The following GRIN2A variants were observed in gnomAD, a reference collection of about 807,000 sequenced individuals.
The protein encoded by GRIN2A is glutamate receptor ionotropic, NMDA 2A.
A neutral mutation model predicts 113.4 loss-of-function variants in GRIN2A; 22 were observed. That is an observed-to-expected ratio of 0.19 (90% CI 0.14 to 0.28). The LOEUF (loss-of-function observed/expected upper bound fraction) is 0.28. Ranked by LOEUF, GRIN2A falls within the 10% of genes least tolerant of loss-of-function variation. The probability of loss-of-function intolerance (pLI) is 1.00; values close to 1 mark genes in which losing one functional copy is unlikely to be tolerated. For synonymous variants in GRIN2A, 827 were observed against 738.4 expected (o/e 1.12, Z -1.94); for missense variants, 1,502 against 1,887.0 (o/e 0.80, Z 3.78).
At chr16:9,770,562 G>A (rs76866328) in intron 11 of GRIN2A, among the ~76,000 whole-genome samples, 5,181 of 152,152 alleles carry the variant, frequency 0.034, 192 homozygotes, top group African/African-American at 0.093. Flanking sequence ...TCTAATTGTC[G>A]TTACTTTCTA....
chr16:9,963,803 A>T (rs2045493705), intron 2 of GRIN2A, among the ~76,000 whole-genome samples: 1 of 152,230 alleles, frequency 6.6e-6, no homozygotes, highest in Non-Finnish European at 1.5e-5. Context: ...ACTCTGTGCC[A>T]GGTACTATTC....
intron 3 of GRIN2A, chr16:9,937,693 C>A (rs1309160251): frequency 2.0e-6 from 1 of 495,874 alleles, no homozygotes; most frequent in Non-Finnish European, 3.7e-6. Context: ...GACAGACAGA[C>A]AGATCGATCA....
At chr16:9,931,185 A>G (rs2044585138) in intron 3 of GRIN2A, among the ~76,000 whole-genome samples, 1 of 151,976 alleles carries the variant, frequency 6.6e-6, no homozygotes, top group Non-Finnish European at 1.5e-5. Flanking sequence ...CCTAACTAAA[A>G]TGGGAACCAC....
intron 2 of GRIN2A, among the ~76,000 whole-genome samples, chr16:9,984,524 T>C (rs533527706): frequency 2.0e-3 from 312 of 152,332 alleles, no homozygotes; most frequent in African/African-American, 7.1e-3. Context: ...GAGTGTATTT[T>C]GTATATGGTG....
intron 2 of GRIN2A, among the ~76,000 whole-genome samples, chr16:10,122,825 A>G (rs4782265): frequency 0.77 from 116,792 of 152,004 alleles, 45,852 homozygotes; most frequent in East Asian, 1. Context: ...ATCAATCATC[A>G]TCTATGCAAC....
intron 4 of GRIN2A, among the ~76,000 whole-genome samples, chr16:9,881,160 G>A (rs1462199107): frequency 6.6e-6 from 1 of 152,148 alleles, no homozygotes; most frequent in East Asian, 1.9e-4. Context: ...AAAAATCTAG[G>A]TAACAGGCAC....
intron 2 of GRIN2A, among the ~76,000 whole-genome samples, chr16:10,132,327 C>A (rs985753474): frequency 2.8e-5 from 2 of 71,728 alleles, no homozygotes; most frequent in Non-Finnish European, 5.8e-5. Context: ...ATGAGCAGAA[C>A]AAGACACCGT....
At chr16:10,127,942 G>A (rs888907651) in intron 2 of GRIN2A, among the ~76,000 whole-genome samples, 2 of 152,084 alleles carry the variant, frequency 1.3e-5, no homozygotes, top group African/African-American at 4.8e-5. Flanking sequence ...GAGTCTAACA[G>A]TGTGATTTAG....
At chr16:10,154,156 C>A (rs942296591) in intron 2 of GRIN2A, among the ~76,000 whole-genome samples, 4 of 152,200 alleles carry the variant, frequency 2.6e-5, no homozygotes, top group African/African-American at 4.8e-5. Context: ...GTATGACTCA[C>A]CACATCCCCC....
At chr16:9,848,235 A>G (rs749090823) in intron 5 of GRIN2A, among the ~76,000 whole-genome samples, 14 of 150,776 alleles carry the variant, frequency 9.3e-5, no homozygotes, top group Non-Finnish European at 1.8e-4. Context: ...TTTATTTTTG[A>G]GTCAGAGTCT....
chr16:9,853,725 AT>A (rs562339012), intron 4 of GRIN2A, among the ~76,000 whole-genome samples: 1 of 151,402 alleles, frequency 6.6e-6, no homozygotes. Context: ...GCCTACTCCA[AT>A]TTTTTTTTAA....
chr16:10,061,699 G>T (rs1234337387), intron 2 of GRIN2A, among the ~76,000 whole-genome samples: 2 of 152,182 alleles, frequency 1.3e-5, no homozygotes, highest in Non-Finnish European at 2.9e-5. Flanking sequence ...GTTAGTAGTG[G>T]CAAAGGCAAC....
At position 10,130,873 on chromosome 16, in the gene GRIN2A, C is replaced by T. The variant is rs528169531; in HGVS notation, c.414+49125G>A. Among the ~76,000 whole-genome samples the T allele has an allele frequency of 3.3e-5, 5 of 152,270 alleles. No individual in the cohort carries two copies. In the South Asian group the frequency reaches 1.0e-3, roughly 32 times the overall value. On this transcript the variant is annotated intron_variant, in intron 2 of 12. Transcript: ENST00000330684. ...GTGCTAACATATAATCCATAGCTGC[C>T]AGGGAGCTGGAACTCAGAGCCAAAC...
chr16:10,012,709 C>T (rs543859129), intron 2 of GRIN2A, among the ~76,000 whole-genome samples: 1 of 152,174 alleles, frequency 6.6e-6, no homozygotes, highest in African/African-American at 2.4e-5. Flanking sequence ...TTGAAGATGC[C>T]CTGGTGCTGC....
At chr16:10,162,061 G>A (rs1596566557) in intron 2 of GRIN2A, among the ~76,000 whole-genome samples, 1 of 152,164 alleles carries the variant, frequency 6.6e-6, no homozygotes, top group African/African-American at 2.4e-5. Flanking sequence ...ATGTCTTTGG[G>A]TGGGGAAGAG....
intron 2 of GRIN2A, among the ~76,000 whole-genome samples, chr16:10,022,585 C>A (rs1275956295): frequency 6.6e-6 from 1 of 152,224 alleles, no homozygotes; most frequent in Admixed American, 6.5e-5. Flanking sequence ...ATTTCCCACC[C>A]TCTCTTCCCT....
intron 2 of GRIN2A, among the ~76,000 whole-genome samples, chr16:10,130,697 T>C (rs1172836961): frequency 6.6e-6 from 1 of 152,212 alleles, no homozygotes; most frequent in Non-Finnish European, 1.5e-5. Context: ...AACAGGGATA[T>C]AACCCAGGGG....
chr16:9,875,020 C>T (rs8062614), intron 4 of GRIN2A, among the ~76,000 whole-genome samples: 1 of 151,032 alleles, frequency 6.6e-6, no homozygotes, highest in Non-Finnish European at 1.5e-5. Flanking sequence ...CCCAGGAGGT[C>T]GAGGCCTGCA....
intron 3 of GRIN2A, among the ~76,000 whole-genome samples, chr16:9,935,823 T>C (rs556888446): frequency 6.6e-6 from 1 of 152,230 alleles, no homozygotes; most frequent in East Asian, 1.9e-4. Context: ...TGCCTCAGCC[T>C]CATGAGTAGC....
Sources: allele counts gnomAD v4.1 joint callset (sites outside exome capture counted in the v4.1 genomes callset), GRCh38; gene constraint gnomAD v4.1.1; transcripts MANE v1.5; gene names NCBI Gene and HGNC (gene_info 2026-07-23, HGNC 2026-07-21).